Variants in PCCA observed in about 807,000 individuals in gnomAD.
The protein encoded by PCCA is propionyl-CoA carboxylase subunit alpha, also known as propionyl-CoA carboxylase alpha chain, mitochondrial.
Under a neutral mutation model 101.3 loss-of-function variants are expected in PCCA, and 74 were observed. That is an observed-to-expected ratio of 0.73 (90% CI 0.61 to 0.89). The LOEUF (loss-of-function observed/expected upper bound fraction) is 0.89, where lower values mean the gene tolerates loss of function less well. PCCA is among the 40% of genes least tolerant of loss of function. The pLI is 0.00. For synonymous variants in PCCA, 294 were observed against 313.6 expected, an observed-to-expected ratio of 0.94 and a Z score of 0.66; for missense variants, 891 against 907.0, an observed-to-expected ratio of 0.98 and a Z score of 0.23.
At chr13:100,348,779 TC>T (rs2072757914) in intron 18 of PCCA, among the ~76,000 whole-genome samples, 2 of 76,228 alleles carry the variant, frequency 2.6e-5, no homozygotes, top group Non-Finnish European at 5.6e-5. Flanking sequence ...TTTCTTTCTT[TC>T]TTTCTTTCTT....
chr13:100,322,066 ATAAG>A (rs1289323865), intron 16 of PCCA, among the ~76,000 whole-genome samples: 2 of 152,178 alleles, frequency 1.3e-5, no homozygotes, highest in African/African-American at 2.4e-5. Flanking sequence ...AGTGGGATAA[ATAAG>A]AGAGACGTTT....
At chr13:100,206,952 A>G (rs1027102036) in intron 6 of PCCA, among the ~76,000 whole-genome samples, 1 of 152,212 alleles carries the variant, frequency 6.6e-6, no homozygotes, top group Non-Finnish European at 1.5e-5. Flanking sequence ...TCTCCGTGCT[A>G]TCATTTCTCC....
At chr13:100,431,961 G>A (rs1315896263) in intron 20 of PCCA, among the ~76,000 whole-genome samples, 2 of 152,058 alleles carry the variant, frequency 1.3e-5, no homozygotes, top group Non-Finnish European at 2.9e-5. Context: ...AGGCCGAGGC[G>A]GGTGGATCAC....
At chr13:100,245,093 C>T (rs188582211) in intron 8 of PCCA, among the ~76,000 whole-genome samples, 5 of 151,956 alleles carry the variant, frequency 3.3e-5, no homozygotes, top group East Asian at 3.9e-4. Flanking sequence ...TCTGCCAACT[C>T]GAATGATACT....
chr13:100,171,506 T>G (rs568070514), intron 6 of PCCA, among the ~76,000 whole-genome samples: 10 of 152,222 alleles, frequency 6.6e-5, no homozygotes, highest in Non-Finnish European at 1.2e-4. Flanking sequence ...TTTTTTAGCC[T>G]TAGTATAATT....
intron 4 of PCCA, among the ~76,000 whole-genome samples, chr13:100,128,525 G>T (rs944840273): frequency 6.6e-6 from 1 of 152,194 alleles, no homozygotes; most frequent in African/African-American, 2.4e-5. Context: ...AGGGTGCTCA[G>T]GGAAAGTCTT....
intron 6 of PCCA, among the ~76,000 whole-genome samples, chr13:100,192,948 T>A (rs912151919): frequency 2.0e-5 from 3 of 152,218 alleles, no homozygotes; most frequent in African/African-American, 7.2e-5. Flanking sequence ...TTGTTTGTTC[T>A]ACTAGACTAT....
chr13:100,291,487 T>A (rs2065120202), intron 12 of PCCA, among the ~76,000 whole-genome samples: 2 of 152,236 alleles, frequency 1.3e-5, no homozygotes, highest in Non-Finnish European at 2.9e-5. Flanking sequence ...GTGCCTTTAC[T>A]GCTTTTTGGG....
intron 17 of PCCA, among the ~76,000 whole-genome samples, chr13:100,338,882 C>T (rs1472632022): frequency 6.6e-6 from 1 of 151,612 alleles, no homozygotes; most frequent in East Asian, 1.9e-4. Flanking sequence ...GTATTTGTAT[C>T]TTAATTTTGA....
chr13:100,432,334 T>C (rs17492220), intron 20 of PCCA, among the ~76,000 whole-genome samples: 28,429 of 152,130 alleles, frequency 0.19, 3,487 homozygotes, highest in Middle Eastern at 0.3. Context: ...ATTTTTCGCT[T>C]AATACGATCC....
intron 19 of PCCA, among the ~76,000 whole-genome samples, chr13:100,408,874 C>T (rs1477081623): frequency 6.6e-6 from 1 of 152,118 alleles, no homozygotes; most frequent in African/African-American, 2.4e-5. Context: ...AGGAAAAAAA[C>T]AACAACAAAA....
chr13:100,163,316 C>G (rs991896482), intron 6 of PCCA, among the ~76,000 whole-genome samples: 1 of 152,160 alleles, frequency 6.6e-6, no homozygotes, highest in Non-Finnish European at 1.5e-5. Flanking sequence ...ATTCTGGAGT[C>G]AGAATGACAG....
intron 6 of PCCA, among the ~76,000 whole-genome samples, chr13:100,195,746 A>G (rs575988589): frequency 6.2e-4 from 95 of 152,312 alleles, no homozygotes; most frequent in Non-Finnish European, 8.5e-4. Context: ...GCATTCTTAA[A>G]CATTAGGAAC....
intron 21 of PCCA, among the ~76,000 whole-genome samples, chr13:100,472,968 T>C (rs2083136168): frequency 6.6e-6 from 1 of 152,096 alleles, no homozygotes; most frequent in Non-Finnish European, 1.5e-5. Flanking sequence ...CTCACAGGGA[T>C]TGATAGCTAA....
intron 21 of PCCA, among the ~76,000 whole-genome samples, chr13:100,459,012 T>C (rs985276140): frequency 6.6e-6 from 1 of 152,108 alleles, no homozygotes; most frequent in Non-Finnish European, 1.5e-5. Flanking sequence ...CCCTAGAGGC[T>C]CTTAGGGAGG....
At chr13:100,471,898 G>A (rs542456857) in intron 21 of PCCA, among the ~76,000 whole-genome samples, 35 of 152,248 alleles carry the variant, frequency 2.3e-4, no homozygotes, top group African/African-American at 8.2e-4. Flanking sequence ...TGTCTCTTGT[G>A]ACAAGGATAT....
chr13:100,174,901 C>A (rs1263162210), intron 6 of PCCA, among the ~76,000 whole-genome samples: 1 of 151,456 alleles, frequency 6.6e-6, no homozygotes, highest in African/African-American at 2.4e-5. Flanking sequence ...TATTCATTTA[C>A]CATATTTGAA....
intron 18 of PCCA, among the ~76,000 whole-genome samples, chr13:100,346,933 G>A (rs2072327980): frequency 6.6e-6 from 1 of 152,088 alleles, no homozygotes; most frequent in Non-Finnish European, 1.5e-5. Context: ...GAGGGCAGTG[G>A]TGTGATCTTG....
chr13:100,343,939 G>A (rs1187654946), intron 18 of PCCA, among the ~76,000 whole-genome samples: 1 of 152,178 alleles, frequency 6.6e-6, no homozygotes, highest in Non-Finnish European at 1.5e-5. Context: ...GCCAGGCTTG[G>A]TGGCGCATGC....
Sources: allele counts gnomAD v4.1 joint callset (sites outside exome capture counted in the v4.1 genomes callset), GRCh38; gene constraint gnomAD v4.1.1; transcripts MANE v1.5; gene names NCBI Gene and HGNC (gene_info 2026-07-23, HGNC 2026-07-21).